The following CES5A variants were observed in gnomAD, a reference collection of about 807,000 sequenced individuals.
CES5A encodes carboxylesterase 5A.
In CES5A, 67 loss-of-function variants were observed where a neutral mutation model predicts 62.9. The observed-to-expected ratio is 1.07, with a 90% CI of 0.88 to 1.31. The LOEUF is 1.31. Ranked by LOEUF, CES5A falls within the 50% of genes most tolerant of loss-of-function variation. The probability of loss-of-function intolerance (pLI) is 0.00; values close to 1 mark genes in which losing one functional copy is unlikely to be tolerated. For missense variants in CES5A, 748 were observed against 708.5 expected (o/e 1.06, Z -0.63); for synonymous variants, 296 against 280.8 (o/e 1.05, Z -0.54).
chr16:55,899,073 T>C (rs142750603), intron 1 of CES5A, among the ~76,000 whole-genome samples: 1 of 152,222 alleles, frequency 6.6e-6, no homozygotes, highest in East Asian at 1.9e-4. Flanking sequence ...TGAATCCAAA[T>C]ACACCACAGG....
chr16:55,927,338 T>C (rs558594491), upstream of CES5A, among the ~76,000 whole-genome samples: 2 of 152,186 alleles, frequency 1.3e-5, no homozygotes, highest in African/African-American at 2.4e-5. Flanking sequence ...ACCTACAGAA[T>C]TGGACAAAAT....
intron 2 of CES5A, among the ~76,000 whole-genome samples, chr16:55,941,063 TGA>T (rs1409965124): frequency 3.3e-5 from 5 of 152,042 alleles, no homozygotes; most frequent in Non-Finnish European, 2.9e-5. Flanking sequence ...TGGCAAATTA[TGA>T]ATGTTTTTCT....
intron 1 of CES5A, among the ~76,000 whole-genome samples, chr16:55,924,085 G>T (rs2034235468): frequency 6.6e-6 from 1 of 151,810 alleles, no homozygotes; most frequent in Non-Finnish European, 1.5e-5. Flanking sequence ...GCAAGAGAAA[G>T]AAATAAAGGG....
At chr16:55,872,110 G>A (rs899117953) in intron 2 of CES5A, among the ~76,000 whole-genome samples, 3 of 152,108 alleles carry the variant, frequency 2.0e-5, no homozygotes, top group Admixed American at 1.3e-4. Context: ...TCCCCAAACT[G>A]TAGAGGGCAG....
chr16:55,894,829 G>A (rs565999530), intron 1 of CES5A, among the ~76,000 whole-genome samples: 1 of 152,280 alleles, frequency 6.6e-6, no homozygotes, highest in Admixed American at 6.5e-5. Flanking sequence ...AAATGCATTA[G>A]CTACTGCCTC....
chr16:55,866,919 G>C (rs2033477723), intron 4 of CES5A, among the ~76,000 whole-genome samples: 1 of 152,026 alleles, frequency 6.6e-6, no homozygotes, highest in Non-Finnish European at 1.5e-5. Flanking sequence ...ACTGTTCTAA[G>C]GGCTTTAAGG....
intron 2 of CES5A, among the ~76,000 whole-genome samples, chr16:55,946,763 G>A (rs1567365902): frequency 6.6e-6 from 1 of 152,188 alleles, no homozygotes; most frequent in South Asian, 2.1e-4. Context: ...GGTTAACGGG[G>A]GCAGCTCTGC....
upstream of CES5A, among the ~76,000 whole-genome samples, chr16:55,879,019 G>C (rs1398510048): frequency 7.7e-6 from 1 of 130,382 alleles, no homozygotes; most frequent in South Asian, 2.6e-4. Context: ...CCCCATCACT[G>C]CACCCCATTG....
At chr16:55,897,541 G>C (rs1452433864) in intron 1 of CES5A, among the ~76,000 whole-genome samples, 1 of 152,168 alleles carries the variant, frequency 6.6e-6, no homozygotes, top group African/African-American at 2.4e-5. Context: ...TTGTACTAGA[G>C]ATGACCAGGC....
At chr16:55,927,584 T>C (rs780377014), upstream of CES5A, among the ~76,000 whole-genome samples, 1 of 152,158 alleles carries the variant, frequency 6.6e-6, no homozygotes, top group Non-Finnish European at 1.5e-5. Context: ...CTTGCCCCGG[T>C]CAAAATGGCC....
intron 2 of CES5A, 192 bp from the exon 3 acceptor site, chr16:55,871,955 T>C: frequency 1.8e-6 from 1 of 555,484 alleles, no homozygotes; most frequent in South Asian, 2.1e-5. Flanking sequence ...AAATTATAAT[T>C]CTCATTGATC....
rs139872888 is a variant in CES5A at position 55,919,701 on chromosome 16, A to T, written c.-256+5622T>A. Among the ~76,000 whole-genome samples the T allele has an allele frequency of 2.9e-4, 44 of 152,370 alleles. No individual in the cohort carries two copies. In the East Asian group the frequency reaches 8.1e-3, roughly 28 times the overall value. ...ATCACTACTTTTAAAAAATCAATTT[A>T]TACATTCCAAAAATGTTTTCCCATC... On this transcript the variant is annotated intron_variant, in intron 1 of 12. Transcript: ENST00000518005.
intron 1 of CES5A, among the ~76,000 whole-genome samples, chr16:55,918,711 T>C (rs1310266535): frequency 1.3e-5 from 2 of 152,228 alleles, no homozygotes; most frequent in East Asian, 3.9e-4. Context: ...GAAGGGGATC[T>C]GAAACCACTT....
chr16:55,863,449 G>A lies in CES5A; in HGVS notation c.709C>T (p.Leu237=), dbSNP rs759163010. ...AGAISVSSLI[L]SPMAKGLFHK... ...AATAAGCCTTTGGCCATGGGAGACA[G>A]TATCTGGAGAGAGAACACAGAAGAC... Residue 237 remains leucine, a synonymous_variant, in exon 6 of 13, where the codon CTG becomes TTG. Transcript: ENST00000290567. The A allele has an allele frequency of 1.9e-6, 3 of 1,547,326 alleles. No homozygotes were observed. Among genetic ancestry groups the A allele is most frequent in the Non-Finnish European group, 1.8e-6 (2 of 1,120,742 alleles).
chr16:55,868,257 C>T lies in CES5A; in HGVS notation c.551+1354G>A, dbSNP rs117032762. Among the ~76,000 whole-genome samples the T allele has an allele frequency of 9.3e-4, 141 of 152,352 alleles. 3 individuals carry two copies. In the East Asian group the frequency reaches 0.02, roughly 22 times the overall value. On this transcript the variant is annotated intron_variant, in intron 4 of 12. Transcript: ENST00000290567. ...TATAGAGCAGCTAGAAGTGTAATTA[C>T]TCTGGTCAGGGCACCCCGTCAGCCT...
In CES5A at chr16:55,910,899, G is replaced by A. The variant is rs183005553; in HGVS notation, c.-256+14424C>T. Among the ~76,000 whole-genome samples the A allele has an allele frequency of 3.9e-3, 586 of 148,696 alleles. 4 individuals carry two copies. The highest frequency in any genetic ancestry group is 0.014 in the African/African-American group (564 of 41,366). ...GCATGTGGAAGACTGGAGGTACCAG[G>A]GTCTGATGGGTGTCAGGATAAAACT... On this transcript the variant is annotated intron_variant, in intron 1 of 12. Transcript: ENST00000518005.
intron 1 of CES5A, among the ~76,000 whole-genome samples, chr16:55,920,130 G>A (rs1472608278): frequency 2.0e-5 from 3 of 152,098 alleles, no homozygotes; most frequent in Admixed American, 6.5e-5. Context: ...AGTTTTGGGG[G>A]CTGCAGAGAC....
intron 5 of CES5A, 31 bp from the exon 6 acceptor site, chr16:55,863,483 G>T: frequency 3.6e-6 from 4 of 1,118,342 alleles, no homozygotes; most frequent in South Asian, 1.2e-5. Flanking sequence ...ACCCAGGAAA[G>T]GTTACTCCCC....
upstream of CES5A, among the ~76,000 whole-genome samples, chr16:55,875,833 C>T (rs2033685680): frequency 6.6e-6 from 1 of 152,182 alleles, no homozygotes; most frequent in Non-Finnish European, 1.5e-5. Flanking sequence ...AAAGATTCTC[C>T]CTGGCCTTCA....
Sources: allele counts gnomAD v4.1 joint callset (sites outside exome capture counted in the v4.1 genomes callset), GRCh38; gene constraint gnomAD v4.1.1; transcripts MANE v1.5; gene names NCBI Gene and HGNC (gene_info 2026-07-23, HGNC 2026-07-21).